The following WBP1L variants were observed in gnomAD, a reference collection of about 807,000 sequenced individuals.
WBP1L encodes the protein WW domain binding protein 1 like.
A neutral mutation model predicts 33.7 loss-of-function variants in WBP1L; 17 were observed. The ratio of observed to expected loss-of-function variants is 0.50; its 90% CI spans 0.34 to 0.76. WBP1L has a LOEUF of 0.76. Ranked by LOEUF, WBP1L falls within the 30% of genes least tolerant of loss-of-function variation. WBP1L has a pLI of 0.01. For missense variants in WBP1L, 389 were observed against 469.4 expected, an observed-to-expected ratio of 0.83 and a Z score of 1.58; for synonymous variants, 173 against 190.8, an observed-to-expected ratio of 0.91 and a Z score of 0.77.
chr10:102,778,568 G>A (rs1193428498), intron 1 of WBP1L, among the ~76,000 whole-genome samples: 2 of 152,206 alleles, frequency 1.3e-5, no homozygotes, highest in African/African-American at 4.8e-5. Flanking sequence ...CTGAACAGTT[G>A]CCTGGTGGAA....
At chr10:102,752,586 A>G (rs1292819252) in intron 1 of WBP1L, among the ~76,000 whole-genome samples, 1 of 152,054 alleles carries the variant, frequency 6.6e-6, no homozygotes, top group African/African-American at 2.4e-5. Context: ...CTGTGGTTTT[A>G]TTTTAAGAAC....
In WBP1L at chr10:102,757,972, G is replaced by A. The variant is rs113843799; in HGVS notation, c.90+13829G>A. On this transcript the variant is annotated intron_variant, in intron 1 of 3. Transcript: ENST00000448841. The stretch of plus-strand genomic sequence containing the variant: ...ACGATCTCGGCTCACTGTAACCTCC[G>A]CTTCCCAGGTTCAGGCAATTCCCCT... Among the ~76,000 whole-genome samples, 340 of 136,412 alleles carry A rather than the reference G, an allele frequency of 2.5e-3. 1 individual carries two copies. Among genetic ancestry groups the A allele is most frequent in the African/African-American group, 8.8e-3 (318 of 36,284 alleles). The allele number at this position is 136,412 out of a possible 152,430, so 89.5% of individuals were successfully genotyped here. A position where few individuals can be genotyped will look rare whatever the true frequency, so the allele number is the denominator to read the frequency against.
chr10:102,795,668 A>G (rs1458427559), intron 1 of WBP1L, among the ~76,000 whole-genome samples: 2 of 152,230 alleles, frequency 1.3e-5, no homozygotes, highest in African/African-American at 4.8e-5. Flanking sequence ...CAGAAGTGTC[A>G]TTGGATTCTT....
At chr10:102,769,626 C>T (rs1843161278) in intron 1 of WBP1L, among the ~76,000 whole-genome samples, 1 of 152,156 alleles carries the variant, frequency 6.6e-6, no homozygotes, top group South Asian at 2.1e-4. Flanking sequence ...CGATTAATAT[C>T]AAAATCCTAT....
Position 102,813,392 on chromosome 10 carries a change from G to C in WBP1L, c.*61G>C. ...CAACCAGGGTAGGGGAGAACCACGA[G>C]AGAAGCATTAAGTGACTTTCAAAGA... On this transcript the variant is annotated 3_prime_UTR_variant, in exon 4 of 4. Transcript: ENST00000448841. 6.5e-7 allele frequency: 1 copy of C among 1,526,722 alleles called. No individual in the cohort carries two copies. The allele number at this position is 1,526,722 out of a possible 1,614,324, so 94.6% of individuals were successfully genotyped here.
intron 1 of WBP1L, among the ~76,000 whole-genome samples, chr10:102,761,928 G>T (rs570904575): frequency 4.6e-5 from 7 of 152,266 alleles, no homozygotes; most frequent in African/African-American, 1.4e-4. Context: ...GCTCACTGTA[G>T]CCTCAAACTC....
chr10:102,776,602 C>T (rs368748024), intron 1 of WBP1L, among the ~76,000 whole-genome samples: 3 of 152,156 alleles, frequency 2.0e-5, no homozygotes, highest in African/African-American at 4.8e-5. Context: ...TCAGAGCCAC[C>T]GTGTTCTTAA....
At chr10:102,746,952 T>TA (rs1842870594) in intron 1 of WBP1L, among the ~76,000 whole-genome samples, 1 of 152,224 alleles carries the variant, frequency 6.6e-6, no homozygotes, top group Non-Finnish European at 1.5e-5. Flanking sequence ...ATTTCTTGTT[T>TA]ATGCAGGCAG....
intron 1 of WBP1L, among the ~76,000 whole-genome samples, chr10:102,746,441 A>G (rs1489695031): frequency 2.0e-5 from 3 of 152,046 alleles, no homozygotes; most frequent in African/African-American, 7.2e-5. Flanking sequence ...GACGCTCCCT[A>G]TACAATTCCA....
chr10:102,752,529 C>G (rs574769722), intron 1 of WBP1L, among the ~76,000 whole-genome samples: 1 of 152,260 alleles, frequency 6.6e-6, no homozygotes, highest in East Asian at 1.9e-4. Flanking sequence ...GTGAGCCTCC[C>G]TTATTTACCC....
chr10:102,771,460 G>T (rs1442565302), intron 1 of WBP1L, among the ~76,000 whole-genome samples: 1 of 152,082 alleles, frequency 6.6e-6, no homozygotes, highest in Non-Finnish European at 1.5e-5. Flanking sequence ...GCGAGGTGAA[G>T]CGTTCGAGAC....
chr10:102,805,518 C>T (rs995142719), intron 2 of WBP1L, among the ~76,000 whole-genome samples: 3 of 151,936 alleles, frequency 2.0e-5, no homozygotes, highest in African/African-American at 4.8e-5. Context: ...TCATCTCAGC[C>T]TCCCAAGTAG....
intron 1 of WBP1L, among the ~76,000 whole-genome samples, chr10:102,791,329 T>C (rs1843494415): frequency 6.6e-6 from 1 of 152,028 alleles, no homozygotes; most frequent in East Asian, 1.9e-4. Context: ...AGCAGAATAA[T>C]TTTTAGTTAC....
At chr10:102,793,556 A>G (rs1035524661) in intron 1 of WBP1L, among the ~76,000 whole-genome samples, 5 of 151,998 alleles carry the variant, frequency 3.3e-5, no homozygotes, top group Admixed American at 3.3e-4. Context: ...TTTCTTCTTC[A>G]TGTGTCTGGA....
intron 1 of WBP1L, among the ~76,000 whole-genome samples, chr10:102,765,060 A>G (rs1590171368): frequency 6.6e-6 from 1 of 152,282 alleles, no homozygotes; most frequent in South Asian, 2.1e-4. Flanking sequence ...TCCTCAGCTG[A>G]GAAATGAGAG....
chr10:102,792,454 G>T (rs1315645978), intron 1 of WBP1L, among the ~76,000 whole-genome samples: 2 of 152,154 alleles, frequency 1.3e-5, no homozygotes, highest in Non-Finnish European at 2.9e-5. Flanking sequence ...TCCCTGTACA[G>T]AGTGGTCCCC....
intron 3 of WBP1L, among the ~76,000 whole-genome samples, chr10:102,811,445 A>T (rs1843841720): frequency 2.0e-5 from 3 of 152,220 alleles, no homozygotes; most frequent in Admixed American, 2.0e-4. Context: ...CAGCTGTGCC[A>T]GTTTTCCAAA....
In WBP1L at chr10:102,761,957, C is replaced by A. The variant is rs538653716; in HGVS notation, c.90+17814C>A. 3.3e-5 allele frequency among the ~76,000 whole-genome samples: 5 copies of A among 152,290 alleles called. No individual in the cohort carries two copies. The South Asian group carries it at 8.3e-4, about 25-fold the overall frequency. On this transcript the variant is annotated intron_variant, in intron 1 of 3. Coordinates refer to ENST00000448841, the MANE Select transcript of WBP1L (RefSeq NM_001083913.2). ...CAAACTCCTGAGCTCAAGCAATCCC[C>A]CTACCTTAACCTCTCCAGTAGCTGG...
chr10:102,790,645 G>A (rs1389347991), intron 1 of WBP1L, among the ~76,000 whole-genome samples: 1 of 151,982 alleles, frequency 6.6e-6, no homozygotes, highest in Non-Finnish European at 1.5e-5. Context: ...GGAGTAGCTG[G>A]GATTACAGGC....
Sources: gnomAD v4.1 joint callset for allele counts (sites outside exome capture counted in the v4.1 genomes callset) on GRCh38, gnomAD v4.1.1 for gene constraint, MANE v1.5 for transcripts, NCBI Gene and HGNC (gene_info 2026-07-23, HGNC 2026-07-21) for gene names.